DAB1: variants seen among roughly 807,000 people sequenced by gnomAD.
DAB1 encodes the protein DAB adaptor protein 1.
In DAB1, 15 loss-of-function variants were observed where a neutral mutation model predicts 64.6. That is an observed-to-expected ratio of 0.23 (90% confidence interval 0.16 to 0.36). The LOEUF is 0.36. Among genes scored for constraint, DAB1 ranks in the 10% least tolerant of loss-of-function variants. The pLI, the probability that DAB1 is intolerant of heterozygous loss-of-function variation, is 1.00. For missense variants in DAB1, 596 were observed against 706.7 expected, an observed-to-expected ratio of 0.84 and a Z score of 1.78; for synonymous variants, 235 against 251.9, an observed-to-expected ratio of 0.93 and a Z score of 0.64.
At chr1:57,785,743 G>T (rs1294088530) in intron 6 of DAB1, among the ~76,000 whole-genome samples, 1 of 152,158 alleles carries the variant, frequency 6.6e-6, no homozygotes, top group Non-Finnish European at 1.5e-5. Flanking sequence ...CAAAATTCTT[G>T]AGGTGAAATA....
chr1:58,101,547 A>T (rs1651324499), intron 5 of DAB1, among the ~76,000 whole-genome samples: 1 of 152,114 alleles, frequency 6.6e-6, no homozygotes, highest in Non-Finnish European at 1.5e-5. Context: ...GTAAGAAACC[A>T]TGGAGGTCCC....
chr1:57,822,014 G>A (rs532027079), downstream of DAB1, among the ~76,000 whole-genome samples: 3 of 152,294 alleles, frequency 2.0e-5, no homozygotes, highest in South Asian at 2.1e-4. Context: ...TCTCATCTCC[G>A]TCCCTAGCCC....
chr1:57,206,996 T>A (rs1665609383), intron 2 of DAB1, among the ~76,000 whole-genome samples: 1 of 136,796 alleles, frequency 7.3e-6, no homozygotes, highest in Non-Finnish European at 1.6e-5. Flanking sequence ...TTTTTGGAGT[T>A]TCGCTCTTGT....
intron 6 of DAB1, among the ~76,000 whole-genome samples, chr1:57,676,196 A>G (rs190295197): frequency 5.3e-5 from 8 of 152,338 alleles, no homozygotes; most frequent in Admixed American, 4.6e-4. Flanking sequence ...GGACGAGCAG[A>G]GCTGTTCTGA....
chr1:57,704,262 A>G (rs770394200), intron 6 of DAB1, among the ~76,000 whole-genome samples: 7 of 152,160 alleles, frequency 4.6e-5, no homozygotes, highest in Non-Finnish European at 8.8e-5. Context: ...GACAGACTTA[A>G]ATTCCTCTGT....
intron 4 of DAB1, among the ~76,000 whole-genome samples, chr1:58,180,831 A>G (rs1177745357): frequency 6.6e-6 from 1 of 152,170 alleles, no homozygotes; most frequent in African/African-American, 2.4e-5. Context: ...TTGTTGGACA[A>G]CATACTTGTC....
intron 9 of DAB1, among the ~76,000 whole-genome samples, chr1:57,043,621 C>A (rs1481148919): frequency 1.3e-5 from 2 of 152,034 alleles, no homozygotes; most frequent in African/African-American, 2.4e-5. Context: ...CTGAGGCGGG[C>A]GGATCACCTG....
intron 7 of DAB1, among the ~76,000 whole-genome samples, chr1:57,565,372 G>T (rs538380646): frequency 1.3e-5 from 2 of 152,236 alleles, no homozygotes; most frequent in South Asian, 4.2e-4. Context: ...CAACTAACGA[G>T]CAAAATAACC....
chr1:58,409,487 G>C (rs1569739098), intron 3 of DAB1, among the ~76,000 whole-genome samples: 1 of 152,206 alleles, frequency 6.6e-6, no homozygotes, highest in Non-Finnish European at 1.5e-5. Flanking sequence ...TGAAAACACA[G>C]TGGGCTGTCC....
At chr1:57,576,063 T>C (rs1454732320) in intron 7 of DAB1, among the ~76,000 whole-genome samples, 1 of 152,246 alleles carries the variant, frequency 6.6e-6, no homozygotes, top group East Asian at 1.9e-4. Flanking sequence ...TTTTTGACCC[T>C]ATGATTGTTA....
chr1:58,052,916 C>G (rs1647780375), intron 5 of DAB1, among the ~76,000 whole-genome samples: 1 of 152,122 alleles, frequency 6.6e-6, no homozygotes, highest in African/African-American at 2.4e-5. Flanking sequence ...CCAACATCTG[C>G]TTTTGGTGAT....
At chr1:57,880,581 A>T (rs146820840) in intron 1 of DAB1, 7 of 152,286 alleles carry the variant, frequency 4.6e-5, no homozygotes, top group Non-Finnish European at 1.0e-4. Context: ...CCGTTATCCC[A>T]GTATTTTGCC....
At chr1:58,154,248 C>T (rs1481714683) in intron 4 of DAB1, among the ~76,000 whole-genome samples, 1 of 152,022 alleles carries the variant, frequency 6.6e-6, no homozygotes, top group Non-Finnish European at 1.5e-5. Flanking sequence ...TCTGGAGGAG[C>T]TTAATATCTA....
At chr1:57,530,421 G>A (rs1336986645) in intron 7 of DAB1, among the ~76,000 whole-genome samples, 4 of 152,056 alleles carry the variant, frequency 2.6e-5, no homozygotes, top group African/African-American at 7.2e-5. Context: ...TGGACAGAAC[G>A]TATGCCATCT....
chr1:57,695,353 AAAAGAAAG>A (rs201257641), intron 6 of DAB1, among the ~76,000 whole-genome samples: 9,803 of 36,056 alleles, frequency 0.27, 1,222 homozygotes, highest in East Asian at 0.44. Flanking sequence ...AGAAAGAAAG[AAAAGAAAG>A]AAGAAAGAAA....
At chr1:58,228,634 C>T (rs759572479) in intron 4 of DAB1, 2 of 880,326 alleles carry the variant, frequency 2.3e-6, no homozygotes, top group Non-Finnish European at 3.4e-6. Flanking sequence ...GTGCGAGGTT[C>T]ACATGCCAAA....
intron 2 of DAB1, among the ~76,000 whole-genome samples, chr1:57,218,049 G>A (rs1253151721): frequency 6.6e-6 from 1 of 152,126 alleles, no homozygotes; most frequent in East Asian, 1.9e-4. Flanking sequence ...AACGTGACAA[G>A]TACCAAAATA....
chr1:57,556,205 A>T (rs1644986284), intron 7 of DAB1, among the ~76,000 whole-genome samples: 1 of 152,014 alleles, frequency 6.6e-6, no homozygotes, highest in African/African-American at 2.4e-5. Context: ...TGATTCCATG[A>T]TTTTTCAATT....
intron 11 of DAB1, among the ~76,000 whole-genome samples, chr1:57,022,393 A>T (rs1646649218): frequency 6.6e-6 from 1 of 152,238 alleles, no homozygotes; most frequent in Non-Finnish European, 1.5e-5. Context: ...AGTCATCATC[A>T]CTATCCCTTT....
Sources: gnomAD v4.1 joint callset for allele counts (sites outside exome capture counted in the v4.1 genomes callset) on GRCh38, gnomAD v4.1.1 for gene constraint, MANE v1.5 for transcripts, NCBI Gene and HGNC (gene_info 2026-07-23, HGNC 2026-07-21) for gene names.